Variants in FMNL2 observed in about 807,000 individuals in gnomAD.
The protein encoded by FMNL2 is formin like 2.
FMNL2 carries 51 observed loss-of-function variants against 130.2 expected under a neutral mutation model. The observed-to-expected ratio is 0.39, with a 90% CI of 0.31 to 0.49. The LOEUF is 0.49. Among genes scored for constraint, FMNL2 ranks in the 20% least tolerant of loss-of-function variants. The pLI is 0.85. For missense variants in FMNL2, 977 were observed against 1,316.2 expected (o/e 0.74, Z 3.99); for synonymous variants, 465 against 467.1 (o/e 1.00, Z 0.06).
chr2:152,489,740 C>A (rs1579794622), intron 1 of FMNL2, among the ~76,000 whole-genome samples: 1 of 152,150 alleles, frequency 6.6e-6, no homozygotes, highest in Non-Finnish European at 1.5e-5. Context: ...GATGTTACTT[C>A]ATTGATTATA....
At chr2:152,381,144 A>G (rs1411643828) in intron 1 of FMNL2, among the ~76,000 whole-genome samples, 1 of 152,248 alleles carries the variant, frequency 6.6e-6, no homozygotes, top group Non-Finnish European at 1.5e-5. Context: ...ATTTGTTATC[A>G]GAGTTTGGTA....
At chr2:152,482,992 G>C (rs375586207) in intron 1 of FMNL2, among the ~76,000 whole-genome samples, 2 of 152,104 alleles carry the variant, frequency 1.3e-5, no homozygotes, top group South Asian at 2.1e-4. Flanking sequence ...AGGCTCACTG[G>C]GGGCAGGCAC....
At chr2:152,625,704 T>C (rs1238551390) in intron 16 of FMNL2, 142 bp downstream of exon 16, 7 of 985,778 alleles carry the variant, frequency 7.1e-6, no homozygotes, top group Non-Finnish European at 1.0e-5. Flanking sequence ...GTATGTAATA[T>C]TGGAGAATAA....
At chr2:152,521,898 G>T in intron 1 of FMNL2, 45 bp from the exon 2 acceptor site, 2 of 1,488,716 alleles carry the variant, frequency 1.3e-6, no homozygotes, top group Admixed American at 1.7e-5. Context: ...TTGGAAGCCT[G>T]CTGTGGAATG....
At chr2:152,381,768 G>A (rs898903665) in intron 1 of FMNL2, among the ~76,000 whole-genome samples, 4 of 152,024 alleles carry the variant, frequency 2.6e-5, no homozygotes, top group Middle Eastern at 6.8e-3. Context: ...TAAGAAACTC[G>A]ATAACTCTTG....
intron 1 of FMNL2, among the ~76,000 whole-genome samples, chr2:152,445,630 T>A (rs2106149410): frequency 6.6e-6 from 1 of 152,326 alleles, no homozygotes; most frequent in Admixed American, 6.5e-5. Context: ...CTGGAGGACT[T>A]GTTAAAACAT....
At chr2:152,482,095 A>C (rs1209337222) in intron 1 of FMNL2, among the ~76,000 whole-genome samples, 2 of 152,176 alleles carry the variant, frequency 1.3e-5, no homozygotes, top group Non-Finnish European at 2.9e-5. Flanking sequence ...CAGCAGTCTT[A>C]CCTTTCTCTG....
At position 152,589,290 on chromosome 2, in the gene FMNL2, AAATGT is replaced by A. The variant is rs565503088; in HGVS notation, c.876+8243_876+8247del. On this transcript the variant is annotated intron_variant, in intron 9 of 25. Transcript: ENST00000288670. ...AATAGGGAACCTCATCCTCTATTTT[AAATGT>A]AGCAGCCACTTAAAAAAACAAACAA... is the stretch of plus-strand genomic sequence containing the variant. Among the ~76,000 whole-genome samples, 51 of 151,430 alleles carry A rather than the reference AAATGT, an allele frequency of 3.4e-4. No individual in the cohort carries two copies. In the East Asian group the frequency reaches 9.3e-3, roughly 28 times the overall value.
At chr2:152,639,152 G>T (rs3811569) in intron 23 of FMNL2, among the ~76,000 whole-genome samples, 19,796 of 152,184 alleles carry the variant, frequency 0.13, 1,548 homozygotes, top group Middle Eastern at 0.24. Flanking sequence ...TAGCCTCCTA[G>T]CCTGGCACTC....
intron 1 of FMNL2, among the ~76,000 whole-genome samples, chr2:152,357,965 T>C (rs1282970143): frequency 6.6e-6 from 1 of 152,156 alleles, no homozygotes; most frequent in Non-Finnish European, 1.5e-5. Context: ...GAGATTAACA[T>C]TTGAGTCAGT....
chr2:152,513,093 A>G lies in FMNL2; in HGVS notation c.118-8850A>G, dbSNP rs143786613. Among the ~76,000 whole-genome samples, 149 of 152,328 alleles carry G rather than the reference A, an allele frequency of 9.8e-4. 3 individuals are homozygous for G. The East Asian group carries it at 0.028, about 28-fold the overall frequency. The stretch of plus-strand genomic sequence containing the variant: ...GATATAATGGATACAGAAAAATGGT[A>G]TATTTTAAACTGCATAACCTGATGT... On this transcript the variant is annotated intron_variant, in intron 1 of 25. Transcript: ENST00000288670.
At chr2:152,438,285 C>T (rs1236977134) in intron 1 of FMNL2, among the ~76,000 whole-genome samples, 1 of 152,120 alleles carries the variant, frequency 6.6e-6, no homozygotes, top group Non-Finnish European at 1.5e-5. Context: ...ACAGTCATTC[C>T]AGAATCAAAA....
At position 152,619,514 on chromosome 2, in the gene FMNL2, A is replaced by G. The variant is rs1209838801; in HGVS notation, c.1633A>G (p.Asn545Asp). Residue 545 changes from asparagine (N) to aspartate (D), a missense_variant, in exon 15 of 26, where the codon AAT (asparagine) becomes GAT (aspartate). Coordinates refer to ENST00000288670, the MANE Select transcript of FMNL2 (RefSeq NM_052905.4). ...GTTTCTTTTTTCTTTGCTAGTGCAAAATGGTCCAGTAACACCACCTATGCC... is the reference window on the plus strand; with the variant it reads ...GTTTCTTTTTTCTTTGCTAGTGCAAGATGGTCCAGTAACACCACCTATGCC... ...PSSDTPETVQ[N>D]GPVTPPMPPP... is the part of the protein sequence containing the mutation. 3 of 1,549,194 alleles carry G rather than the reference A, an allele frequency of 1.9e-6. No homozygotes were observed. Among genetic ancestry groups the G allele is most frequent in the Non-Finnish European group, 1.7e-6 (2 of 1,146,754 alleles).
chr2:152,423,231 T>C (rs1283661116), intron 1 of FMNL2, among the ~76,000 whole-genome samples: 2 of 152,234 alleles, frequency 1.3e-5, no homozygotes, highest in East Asian at 3.8e-4. Flanking sequence ...GCACTCACCA[T>C]ATGTCAGGCA....
chr2:152,393,675 T>TA (rs1243290117), intron 1 of FMNL2, among the ~76,000 whole-genome samples: 4 of 152,236 alleles, frequency 2.6e-5, no homozygotes, highest in African/African-American at 9.6e-5. Context: ...TCTTTTACTT[T>TA]AAAAAAATCT....
rs551432709 is a variant in FMNL2 at position 152,406,128 on chromosome 2, TC to T, written c.117+70409del. Reference sequence around the variant, plus strand: ...CTCTGAAATGTTATGATTCCCTATGTCTATAAGTGTATGCTGCACATTTTTT... The same window carrying T: ...CTCTGAAATGTTATGATTCCCTATGTTATAAGTGTATGCTGCACATTTTTT... On this transcript the variant is annotated intron_variant, in intron 1 of 25. Transcript: ENST00000288670. 7.2e-4 allele frequency among the ~76,000 whole-genome samples: 104 copies of T among 143,620 alleles called. No homozygotes were observed. The East Asian group carries it at 0.017, about 24-fold the overall frequency. 94.2% of individuals were successfully genotyped at this position (143,620 alleles called of 152,430 possible). A position where few individuals can be genotyped will look rare whatever the true frequency, so the allele number is the denominator to read the frequency against.
At chr2:152,448,499 C>T (rs1329992554) in intron 1 of FMNL2, among the ~76,000 whole-genome samples, 1 of 152,168 alleles carries the variant, frequency 6.6e-6, no homozygotes, top group Non-Finnish European at 1.5e-5. Context: ...AACCAACAGA[C>T]TGAGGAACTT....
At chr2:152,538,409 A>G (rs761334574) in intron 2 of FMNL2, among the ~76,000 whole-genome samples, 6 of 151,870 alleles carry the variant, frequency 4.0e-5, no homozygotes, top group Non-Finnish European at 8.8e-5. Context: ...CCTCCCAAGT[A>G]GCTGGGATTA....
chr2:152,421,731 T>G (rs566402069), intron 1 of FMNL2, among the ~76,000 whole-genome samples: 5 of 152,180 alleles, frequency 3.3e-5, no homozygotes, highest in Non-Finnish European at 4.4e-5. Flanking sequence ...ATTTCCTTTG[T>G]ACTGAGTCAT....
Sources: gnomAD v4.1 joint callset for allele counts (sites outside exome capture counted in the v4.1 genomes callset) on GRCh38, gnomAD v4.1.1 for gene constraint, MANE v1.5 for transcripts, NCBI Gene and HGNC (gene_info 2026-07-23, HGNC 2026-07-21) for gene names.